Variants in IL1RAPL1 observed in about 807,000 individuals in gnomAD.
The protein encoded by IL1RAPL1 is interleukin-1 receptor accessory protein-like 1.
In IL1RAPL1, 3 loss-of-function variants were observed where a neutral mutation model predicts 48.4. The ratio of observed to expected loss-of-function variants is 0.06; its 90% CI spans 0.03 to 0.16. The LOEUF (loss-of-function observed/expected upper bound fraction) is 0.16, where lower values mean the gene tolerates loss of function less well. IL1RAPL1 is among the 10% of genes least tolerant of loss of function. The pLI, the probability that IL1RAPL1 is intolerant of heterozygous loss-of-function variation, is 1.00. For synonymous variants in IL1RAPL1, 185 were observed against 187.7 expected, an observed-to-expected ratio of 0.99 and a Z score of 0.12; for missense variants, 349 against 530.6, an observed-to-expected ratio of 0.66 and a Z score of 3.36.
chrX:29,552,176 A>G (rs1440434585), intron 5 of IL1RAPL1, among the ~76,000 whole-genome samples: 6 of 110,872 alleles, frequency 5.4e-5, no homozygotes, highest in Non-Finnish European at 1.1e-4. Flanking sequence ...CCCTCCCCTT[A>G]TGAAGAAGAA....
rs36082731 is a variant in IL1RAPL1, at chrX:28,829,558, A to AT, written c.82+40152dup. Among the ~76,000 whole-genome samples the AT allele has an allele frequency of 6.4e-3, 519 of 80,774 alleles. 2 individuals are homozygous for AT. The highest frequency in any genetic ancestry group is 0.019 in the East Asian group (48 of 2,469). The allele number at this position is 80,774 out of a possible 115,157, so 70.1% of individuals were successfully genotyped here. ...TGCTTTATCATGAAAGGGTGCTGGA[A>AT]TTTTTTTTTTTTTTTTTTTGAGATG... On this transcript the variant is annotated intron_variant, in intron 2 of 10. Transcript: ENST00000378993.
intron 5 of IL1RAPL1, among the ~76,000 whole-genome samples, chrX:29,453,760 T>C (rs987726655): frequency 2.7e-5 from 3 of 112,264 alleles, no homozygotes; most frequent in Non-Finnish European, 3.8e-5. Context: ...GTTGAGACGA[T>C]CGAATGCTCT....
intron 6 of IL1RAPL1, among the ~76,000 whole-genome samples, chrX:29,797,235 G>GTT (rs1929763051): frequency 8.9e-6 from 1 of 112,333 alleles, no homozygotes; most frequent in Non-Finnish European, 1.9e-5. Flanking sequence ...TTGGCACATG[G>GTT]CAGGAGCCCA....
chrX:29,039,162 C>A (rs1315398638), intron 2 of IL1RAPL1, among the ~76,000 whole-genome samples: 1 of 111,186 alleles, frequency 9.0e-6, no homozygotes, highest in Non-Finnish European at 1.9e-5. Context: ...ACATATTAAA[C>A]TAGTATACAT....
chrX:29,281,547 G>A (rs375763713), intron 2 of IL1RAPL1, among the ~76,000 whole-genome samples: 2 of 111,045 alleles, frequency 1.8e-5, no homozygotes, highest in African/African-American at 6.6e-5. Flanking sequence ...ACACTTCTCC[G>A]ATTCTCCCAG....
chrX:29,054,751 G>A (rs1269767604), intron 2 of IL1RAPL1, among the ~76,000 whole-genome samples: 1 of 111,873 alleles, frequency 8.9e-6, no homozygotes, highest in Non-Finnish European at 1.9e-5. Flanking sequence ...TCAGCCTAGT[G>A]GCCTCCCAAA....
At chrX:29,261,115 T>C (rs1281524242) in intron 2 of IL1RAPL1, among the ~76,000 whole-genome samples, 1 of 109,894 alleles carries the variant, frequency 9.1e-6, no homozygotes, top group African/African-American at 3.3e-5. Context: ...ACTGTTATTG[T>C]TGGTCAGTCA....
chrX:29,720,268 A>G (rs963944912), intron 6 of IL1RAPL1, among the ~76,000 whole-genome samples: 1 of 110,217 alleles, frequency 9.1e-6, no homozygotes, highest in African/African-American at 3.3e-5. Context: ...TACCCAAAGG[A>G]TTATAAATTA....
intron 1 of IL1RAPL1, among the ~76,000 whole-genome samples, chrX:28,599,946 G>A (rs773321208): frequency 8.9e-6 from 1 of 111,969 alleles, no homozygotes; most frequent in Non-Finnish European, 1.9e-5. Flanking sequence ...GGGGCTTTCT[G>A]TTTTCACGTC....
At chrX:28,873,600 C>T (rs1183322794) in intron 2 of IL1RAPL1, among the ~76,000 whole-genome samples, 6 of 97,570 alleles carry the variant, frequency 6.1e-5, no homozygotes, top group Non-Finnish European at 1.2e-4. Flanking sequence ...GGCTCAATCT[C>T]GGCTCACTGC....
At chrX:29,924,132 G>T (rs1932867272) in intron 8 of IL1RAPL1, among the ~76,000 whole-genome samples, 1 of 111,906 alleles carries the variant, frequency 8.9e-6, no homozygotes, top group Non-Finnish European at 1.9e-5. Context: ...AGGATTCAAT[G>T]AACTCGTATG....
At chrX:29,418,113 A>G (rs1292906870) in intron 5 of IL1RAPL1, among the ~76,000 whole-genome samples, 8 of 32,629 alleles carry the variant, frequency 2.5e-4, no homozygotes. Context: ...ATATATATAT[A>G]TATATATATA....
At chrX:28,776,462 C>A (rs1402934596) in intron 1 of IL1RAPL1, among the ~76,000 whole-genome samples, 1 of 111,737 alleles carries the variant, frequency 8.9e-6, no homozygotes, top group Non-Finnish European at 1.9e-5. Context: ...GTGACTATAG[C>A]CAATACCTAG....
chrX:29,674,581 T>G (rs1301137431), intron 6 of IL1RAPL1, among the ~76,000 whole-genome samples: 2 of 111,995 alleles, frequency 1.8e-5, no homozygotes, highest in African/African-American at 6.5e-5. Context: ...AAAAAAACTT[T>G]TATTTTAGGT....
intron 2 of IL1RAPL1, among the ~76,000 whole-genome samples, chrX:28,865,438 CAA>C (rs146883962): frequency 3.4e-4 from 28 of 83,465 alleles, no homozygotes; most frequent in South Asian, 6.0e-4. Flanking sequence ...GACCCTGTCT[CAA>C]AAAAAAAAAA....
intron 2 of IL1RAPL1, among the ~76,000 whole-genome samples, chrX:28,830,656 G>C (rs1443539720): frequency 9.0e-6 from 1 of 111,008 alleles, no homozygotes; most frequent in East Asian, 2.9e-4. Context: ...GGCTCCCTCT[G>C]CAACAGTTAT....
At chrX:29,649,692 C>T (rs1925452598) in intron 5 of IL1RAPL1, among the ~76,000 whole-genome samples, 1 of 111,495 alleles carries the variant, frequency 9.0e-6, no homozygotes, top group South Asian at 3.7e-4. Flanking sequence ...CCTCAAAGAT[C>T]TGGAACAAGA....
intron 1 of IL1RAPL1, among the ~76,000 whole-genome samples, chrX:28,734,972 G>C (rs916341434): frequency 1.8e-5 from 2 of 111,853 alleles, no homozygotes; most frequent in African/African-American, 6.5e-5. Context: ...AATACAACAG[G>C]CAAGCTCAAC....
chrX:29,340,626 G>A (rs1357646672), intron 3 of IL1RAPL1, among the ~76,000 whole-genome samples: 2 of 111,919 alleles, frequency 1.8e-5, no homozygotes, highest in African/African-American at 6.5e-5. Flanking sequence ...CACCAATGAT[G>A]TCTAGGAATC....
Sources: gnomAD v4.1 joint callset for allele counts (sites outside exome capture counted in the v4.1 genomes callset) on GRCh38, gnomAD v4.1.1 for gene constraint, MANE v1.5 for transcripts, NCBI Gene and HGNC (gene_info 2026-07-23, HGNC 2026-07-21) for gene names.